Variants in EMC3 observed in about 807,000 individuals in gnomAD.
The protein encoded by EMC3 is ER membrane protein complex subunit 3.
A neutral mutation model predicts 36.6 loss-of-function variants in EMC3; 13 were observed. The observed-to-expected ratio is 0.35, with a 90% confidence interval of 0.23 to 0.56. The LOEUF is 0.56. Among genes scored for constraint, EMC3 ranks in the 20% least tolerant of loss-of-function variants. EMC3 has a pLI of 0.84. For synonymous variants in EMC3, 120 were observed against 111.9 expected (o/e 1.07, Z -0.46); for missense variants, 220 against 324.5 (o/e 0.68, Z 2.47).
At chr3:9,987,799 A>AT, upstream of EMC3, 1 of 520,924 alleles carries the variant, frequency 1.9e-6, no homozygotes, top group Non-Finnish European at 3.6e-6. Flanking sequence ...AACGTTTAAA[A>AT]TTTTTTCTTC....
chr3:9,982,501 C>T (rs1333278694), intron 1 of EMC3, among the ~76,000 whole-genome samples: 1 of 151,898 alleles, frequency 6.6e-6, no homozygotes, highest in Non-Finnish European at 1.5e-5. Context: ...GATCTGCCTG[C>T]CTCAGCCTCC....
chr3:9,980,471 TCCTC>T (rs1429001789), intron 1 of EMC3, among the ~76,000 whole-genome samples: 1 of 151,496 alleles, frequency 6.6e-6, no homozygotes, highest in African/African-American at 2.4e-5. Context: ...GCTCAAGTGA[TCCTC>T]CCATCTTAGT....
chr3:9,986,141 G>A (rs757456467), intron 1 of EMC3, among the ~76,000 whole-genome samples: 4 of 152,136 alleles, frequency 2.6e-5, no homozygotes, highest in Non-Finnish European at 5.9e-5. Context: ...AAGACTAAAC[G>A]CTGTAACGCA....
intron 1 of EMC3, among the ~76,000 whole-genome samples, chr3:9,986,062 C>T (rs926187634): frequency 6.6e-6 from 1 of 152,164 alleles, no homozygotes; most frequent in African/African-American, 2.4e-5. Flanking sequence ...ACAGTCCCAC[C>T]AGGCCCGACG....
intron 1 of EMC3, chr3:10,007,047 G>A (rs2086270475): frequency 6.8e-6 from 2 of 294,282 alleles, no homozygotes; most frequent in Non-Finnish European, 6.7e-6. Context: ...CAGACACTCT[G>A]CTGCTTTGCA....
At chr3:9,992,815 G>A (rs2086070958) in intron 1 of EMC3, 3 of 1,110,426 alleles carry the variant, frequency 2.7e-6, no homozygotes, top group South Asian at 1.3e-5. Context: ...AAAAGCTGCT[G>A]TTTCATTGTA....
intron 5 of EMC3, among the ~76,000 whole-genome samples, chr3:9,971,044 TC>T (rs200303580): frequency 0.012 from 1,846 of 152,150 alleles, 36 homozygotes; most frequent in African/African-American, 0.041. Context: ...TGCCTCAACC[TC>T]CTGAGTAGCT....
chr3:10,008,457 C>A, intron 1 of EMC3: 1 of 1,367,714 alleles, frequency 7.3e-7, no homozygotes, highest in Non-Finnish European at 9.8e-7. Flanking sequence ...CCTTTGCTGC[C>A]AGCAGCCTCC....
At chr3:9,994,575 CT>C (rs891463443) in intron 1 of EMC3, among the ~76,000 whole-genome samples, 15 of 124,302 alleles carry the variant, frequency 1.2e-4, no homozygotes, top group Admixed American at 2.3e-4. Context: ...ACATGAGACA[CT>C]TTTTTTTTTT....
intron 1 of EMC3, among the ~76,000 whole-genome samples, chr3:9,994,879 A>G (rs1419886773): frequency 6.6e-6 from 1 of 152,178 alleles, no homozygotes; most frequent in East Asian, 1.9e-4. Context: ...GCCGAGACAC[A>G]TTTTAATAGC....
intron 1 of EMC3, chr3:10,008,499 A>G: frequency 1.5e-6 from 2 of 1,366,342 alleles, no homozygotes; most frequent in Non-Finnish European, 2.0e-6. Context: ...TGGGGGGCTG[A>G]CAGCCATGGA....
At chr3:9,991,975 C>A (rs2086058751) in intron 1 of EMC3, among the ~76,000 whole-genome samples, 3 of 152,190 alleles carry the variant, frequency 2.0e-5, no homozygotes, top group Admixed American at 2.0e-4. Context: ...AGCCGCTAAT[C>A]TGACAGGAGG....
At chr3:10,007,549 A>C in intron 1 of EMC3, 5 of 1,367,562 alleles carry the variant, frequency 3.7e-6, no homozygotes, top group Non-Finnish European at 4.9e-6. Flanking sequence ...CAGAGGCCTG[A>C]CGTAGGAGTG....
intron 1 of EMC3, chr3:10,010,957 A>C (rs1374736208): frequency 6.6e-6 from 1 of 152,350 alleles, no homozygotes; most frequent in Non-Finnish European, 1.5e-5. Flanking sequence ...CCAGGCCTCC[A>C]AAGGACCCAT....
intron 1 of EMC3, among the ~76,000 whole-genome samples, chr3:10,001,494 C>T (rs992657851): frequency 4.7e-5 from 7 of 150,452 alleles, no homozygotes; most frequent in Admixed American, 2.7e-4. Context: ...AGGAGAATGG[C>T]GTGAACCTGG....
rs56791107 is a variant in EMC3, at chr3:9,965,104, TAA to T, written c.658-909_658-908del. ...TAATACCTCGTCTTTAAAAATAAAT[TAA>T]AAAAAAAAAAAAAAAGCTTGCGAGA... is the stretch of plus-strand genomic sequence containing the variant. On this transcript the variant is annotated intron_variant, in intron 7 of 7. Coordinates refer to ENST00000245046, the MANE Select transcript of EMC3 (RefSeq NM_001394674.1). Among the ~76,000 whole-genome samples, 565 of 106,896 alleles carry T rather than the reference TAA, an allele frequency of 5.3e-3. 14 individuals are homozygous for T. The South Asian group carries it at 0.062, about 12-fold the overall frequency. 70.1% of individuals were successfully genotyped at this position (106,896 alleles called of 152,430 possible).
chr3:10,007,396 C>T (rs2086274926), intron 1 of EMC3: 1 of 1,367,488 alleles, frequency 7.3e-7, no homozygotes. Context: ...CCAGACTGTG[C>T]TGGGGTCAGT....
In EMC3 at chr3:9,974,857, G is replaced by GTTTT. The variant is rs71307728; in HGVS notation, c.308-373_308-370dup. Among the ~76,000 whole-genome samples, 17 of 63,428 alleles carry GTTTT rather than the reference G, an allele frequency of 2.7e-4. 1 individual carries two copies. Among genetic ancestry groups the GTTTT allele is most frequent in the African/African-American group, 3.5e-4 (5 of 14,410 alleles). 41.6% of individuals were successfully genotyped at this position (63,428 alleles called of 152,430 possible). On this transcript the variant is annotated intron_variant, in intron 3 of 7. Coordinates refer to ENST00000245046, the MANE Select transcript of EMC3 (RefSeq NM_001394674.1). ...ACAGGCGGGAGCCACCGCACCCAGC[G>GTTTT]TTTTTTTTTTTTTTTTTTTTTGAGA...
At chr3:9,987,087 G>C, upstream of EMC3, 1 of 836,548 alleles carries the variant, frequency 1.2e-6, no homozygotes, top group Middle Eastern at 6.1e-4. Flanking sequence ...TGGTGGAGGC[G>C]CCTGTAGTCG....
Sources: gnomAD v4.1 joint callset for allele counts (sites outside exome capture counted in the v4.1 genomes callset) on GRCh38, gnomAD v4.1.1 for gene constraint, MANE v1.5 for transcripts, NCBI Gene and HGNC (gene_info 2026-07-23, HGNC 2026-07-21) for gene names.